Variants in HDX observed in about 807,000 individuals in gnomAD.
HDX encodes the protein chromosome X open reading frame 43.
A neutral mutation model predicts 45.2 loss-of-function variants in HDX; 19 were observed. The observed-to-expected ratio is 0.42, with a 90% CI of 0.29 to 0.62. The LOEUF (loss-of-function observed/expected upper bound fraction) is 0.62, where lower values mean the gene tolerates loss of function less well. HDX is among the 20% of genes least tolerant of loss of function. The pLI is 0.20. For synonymous variants in HDX, 188 were observed against 172.8 expected, an observed-to-expected ratio of 1.09 and a Z score of -0.69; for missense variants, 532 against 493.9, an observed-to-expected ratio of 1.08 and a Z score of -0.73.
chrX:84,449,049 C>T (rs903880373), intron 4 of HDX, among the ~76,000 whole-genome samples: 1 of 107,272 alleles, frequency 9.3e-6, no homozygotes, highest in African/African-American at 3.4e-5. Context: ...AACAATAGAT[C>T]ACACCAAGCA....
chrX:84,327,460 TAG>T (rs948842462), intron 9 of HDX, among the ~76,000 whole-genome samples: 5 of 111,613 alleles, frequency 4.5e-5, no homozygotes, highest in Non-Finnish European at 9.4e-5. Flanking sequence ...TGGAAAAAAA[TAG>T]AGAGACCAGA....
At chrX:84,484,552 G>C (rs2040751176) in intron 2 of HDX, among the ~76,000 whole-genome samples, 1 of 111,575 alleles carries the variant, frequency 9.0e-6, no homozygotes, top group Non-Finnish European at 1.9e-5. Flanking sequence ...AACACATGGG[G>C]ATTATGGGAA....
At chrX:84,491,235 C>T (rs1198470516) in intron 1 of HDX, among the ~76,000 whole-genome samples, 1 of 111,707 alleles carries the variant, frequency 9.0e-6, no homozygotes, top group Non-Finnish European at 1.9e-5. Context: ...ATATTTTTCT[C>T]TCTACTTTTC....
chrX:84,412,566 A>G (rs983806723), intron 5 of HDX, among the ~76,000 whole-genome samples: 2 of 111,380 alleles, frequency 1.8e-5, no homozygotes, highest in African/African-American at 6.5e-5. Flanking sequence ...TTCCCTTTGT[A>G]GGTAAACTGA....
In HDX at chrX:84,339,742, T is replaced by C. The variant is rs186738301; in HGVS notation, c.1661-2862A>G. Among the ~76,000 whole-genome samples, 291 of 111,131 alleles carry C rather than the reference T, an allele frequency of 2.6e-3. 1 individual carries two copies. The highest frequency in any genetic ancestry group is 4.7e-3 in the Non-Finnish European group (246 of 52,821). On this transcript the variant is annotated intron_variant, in intron 7 of 10. Transcript: ENST00000373177. The stretch of plus-strand genomic sequence containing the variant: ...ATGTGGTGGCTGTATGTACTCCCAC[T>C]AAGTAACTGTATAATTATCTTTCAC...
chrX:84,342,677 T>C (rs892814878), intron 7 of HDX, among the ~76,000 whole-genome samples: 5 of 110,931 alleles, frequency 4.5e-5, no homozygotes, highest in African/African-American at 1.6e-4. Flanking sequence ...TATTCATACA[T>C]CTTAAAGCAA....
intron 6 of HDX, among the ~76,000 whole-genome samples, chrX:84,352,200 G>T (rs1602294181): frequency 8.9e-6 from 1 of 112,158 alleles, no homozygotes; most frequent in East Asian, 2.8e-4. Context: ...CAAAACAGAA[G>T]AACTATTTAG....
At chrX:84,436,826 G>A (rs1229541592) in intron 5 of HDX, among the ~76,000 whole-genome samples, 3 of 35,807 alleles carry the variant, frequency 8.4e-5, no homozygotes, top group Non-Finnish European at 1.5e-4. Flanking sequence ...GTAAATGTTT[G>A]CTGGGATTTT....
At chrX:84,371,076 A>G (rs1317141863) in intron 5 of HDX, among the ~76,000 whole-genome samples, 1 of 112,094 alleles carries the variant, frequency 8.9e-6, no homozygotes, top group East Asian at 2.8e-4. Flanking sequence ...CAGAAATAGC[A>G]TAGGTTTTTA....
intron 1 of HDX, among the ~76,000 whole-genome samples, chrX:84,490,142 T>A (rs1392501979): frequency 8.9e-6 from 1 of 111,795 alleles, no homozygotes; most frequent in East Asian, 2.8e-4. Context: ...TTCTCCCTCA[T>A]TATGATATTG....
intron 5 of HDX, among the ~76,000 whole-genome samples, chrX:84,396,191 T>G (rs749754297): frequency 1.2e-4 from 13 of 112,493 alleles, no homozygotes; most frequent in Non-Finnish European, 2.2e-4. Flanking sequence ...GCTTCTAATT[T>G]TTTTGAATTT....
intron 4 of HDX, among the ~76,000 whole-genome samples, chrX:84,451,567 T>C (rs993341117): frequency 2.7e-5 from 3 of 111,017 alleles, no homozygotes; most frequent in African/African-American, 9.8e-5. Context: ...AGTCCAAGAC[T>C]GAATGACTTC....
intron 5 of HDX, among the ~76,000 whole-genome samples, chrX:84,388,105 T>C (rs954961375): frequency 1.7e-4 from 19 of 112,295 alleles, no homozygotes; most frequent in Non-Finnish European, 3.2e-4. Context: ...TTTCTTTCCT[T>C]TAAGGATGCT....
chrX:84,474,018 C>T lies in HDX; in HGVS notation c.147+1233G>A, dbSNP rs1426990283. Among the ~76,000 whole-genome samples, 4 of 112,166 alleles carry T rather than the reference C, an allele frequency of 3.6e-5. No homozygotes were observed. The Admixed American group carries it at 3.8e-4, about 11-fold the overall frequency. Reference sequence around the variant, plus strand: ...AGAAACAGATATCCTGGGCCGGGCGCGGTGGCTCACGCCTGTGATCCCAAC... The same window carrying T: ...AGAAACAGATATCCTGGGCCGGGCGTGGTGGCTCACGCCTGTGATCCCAAC... On this transcript the variant is annotated intron_variant, in intron 3 of 10. Coordinates refer to ENST00000373177, the MANE Select transcript of HDX (RefSeq NM_001177479.2).
chrX:84,341,297 A>G (rs141183355), intron 7 of HDX, among the ~76,000 whole-genome samples: 2,679 of 111,395 alleles, frequency 0.024, 39 homozygotes, highest in Non-Finnish European at 0.037. Context: ...TAAAGGACCA[A>G]CTATATTAGA....
chrX:84,486,630 G>A lies in HDX; in HGVS notation c.-1+1394C>T, dbSNP rs751012909. 1.3e-3 allele frequency among the ~76,000 whole-genome samples: 138 copies of A among 109,480 alleles called. 1 individual carries two copies. The highest frequency in any genetic ancestry group is 9.7e-3 in the Middle Eastern group (2 of 207). Reference sequence around the variant, plus strand: ...ATATTTTCATGGACTATAGGAATCGGGGTTGACTTTTTTTTTTCATTTAAA... The same window carrying A: ...ATATTTTCATGGACTATAGGAATCGAGGTTGACTTTTTTTTTTCATTTAAA... On this transcript the variant is annotated intron_variant, in intron 2 of 10. Transcript: ENST00000373177.
chrX:84,395,478 C>A (rs1320361442), intron 5 of HDX, among the ~76,000 whole-genome samples: 2 of 110,176 alleles, frequency 1.8e-5, no homozygotes, highest in Non-Finnish European at 3.8e-5. Context: ...TGTCTAGATG[C>A]TTTTTCCTTA....
At chrX:84,348,975 A>G (rs2037269136) in intron 6 of HDX, among the ~76,000 whole-genome samples, 1 of 111,635 alleles carries the variant, frequency 9.0e-6, no homozygotes, top group Non-Finnish European at 1.9e-5. Flanking sequence ...CAATATTCAC[A>G]GTGAGAATCT....
chrX:84,435,145 G>A (rs904718547), intron 5 of HDX, among the ~76,000 whole-genome samples: 1 of 110,367 alleles, frequency 9.1e-6, no homozygotes, highest in African/African-American at 3.3e-5. Context: ...ATATTTTTTA[G>A]TTTCCATTTC....
Sources: gnomAD v4.1 joint callset for allele counts (sites outside exome capture counted in the v4.1 genomes callset) on GRCh38, gnomAD v4.1.1 for gene constraint, MANE v1.5 for transcripts, NCBI Gene and HGNC (gene_info 2026-07-23, HGNC 2026-07-21) for gene names.